Variants in USP36 observed in about 807,000 individuals in gnomAD.
USP36 encodes the protein ubiquitin carboxyl-terminal hydrolase 36.
Under a neutral mutation model 111.5 loss-of-function variants are expected in USP36, and 59 were observed. The observed-to-expected ratio is 0.53, with a 90% confidence interval of 0.43 to 0.66. The LOEUF (loss-of-function observed/expected upper bound fraction) is 0.66. Among genes scored for constraint, USP36 ranks in the 30% least tolerant of loss-of-function variants. The pLI, the probability that USP36 is intolerant of heterozygous loss-of-function variation, is 0.00. For synonymous variants in USP36, 628 were observed against 581.0 expected, an observed-to-expected ratio of 1.08 and a Z score of -1.16; for missense variants, 1,488 against 1,468.0, an observed-to-expected ratio of 1.01 and a Z score of -0.22.
In USP36 at chr17:78,797,564, G is replaced by A. The variant is rs1284576304; in HGVS notation, c.*336C>T. ...CCACTCTCCTGATAGCCCCAACCAG[G>A]GGCAGCAGCCTCTGCCAGCACAGAC... On this transcript the variant is annotated 3_prime_UTR_variant, in exon 21 of 21. Transcript: ENST00000449938. 6.6e-6 allele frequency: 1 copy of A among 152,306 alleles called. No individual in the cohort carries two copies. Among genetic ancestry groups the A allele is most frequent in the Non-Finnish European group, 1.5e-5 (1 of 68,172 alleles). 9.4% of individuals were successfully genotyped at this position (152,306 alleles called of 1,614,324 possible).
downstream of USP36, among the ~76,000 whole-genome samples, chr17:78,791,254 C>T (rs2093581864): frequency 1.3e-5 from 2 of 151,980 alleles, no homozygotes; most frequent in Admixed American, 1.3e-4. Flanking sequence ...CCTGCCTCAC[C>T]CTCCCAAGTA....
rs577196991 is a variant in USP36, at chr17:78,803,465, C to T, written c.2730G>A (p.Ala910=). The stretch of plus-strand genomic sequence containing the variant: ...CTTTCCTCCTCCGCTTCCTGCTGCT[C>T]GCGTGGTGGCCGTCCGTAACACATC... ...QVGCVTDGHH[A]SSRKRRRKGA... is the part of the protein sequence containing the mutation. The change falls in exon 16 of 21, where the codon GCG becomes GCA. Residue 910 remains alanine, a synonymous_variant. Coordinates refer to ENST00000449938, the MANE Select transcript of USP36 (RefSeq NM_001385174.1). This position sits in a 1 kb window ranked among gnomAD's most constrained non-coding sequence, Gnocchi z 4.6. 18 of 1,614,150 alleles carry T rather than the reference C, an allele frequency of 1.1e-5. No individual in the cohort carries two copies. Among genetic ancestry groups the T allele is most frequent in the African/African-American group, 2.7e-5 (2 of 75,042 alleles).
At position 78,823,894 on chromosome 17, in the gene USP36, C is replaced by T. The variant is rs139150225; in HGVS notation, c.690-1890G>A. Among the ~76,000 whole-genome samples, 437 of 152,312 alleles carry T rather than the reference C, an allele frequency of 2.9e-3. 1 individual carries two copies. Among genetic ancestry groups the T allele is most frequent in the African/African-American group, 9.9e-3 (413 of 41,568 alleles). ...CTGGATACGAATCTTGAAAACCAGC[C>T]GACCCACAAGATAAATGAAAGCAGG... On this transcript the variant is annotated intron_variant, in intron 6 of 20. Transcript: ENST00000449938.
chr17:78,799,994 G>A (rs893725211), intron 17 of USP36, among the ~76,000 whole-genome samples: 2 of 148,750 alleles, frequency 1.3e-5, no homozygotes, highest in Admixed American at 1.4e-4. Context: ...TTACAGGCAT[G>A]AGCCATGGCG....
chr17:78,807,332 G>A lies in USP36; in HGVS notation c.1712C>T (p.Ser571Phe), dbSNP rs779770423. 7 of 1,614,228 alleles carry A rather than the reference G, an allele frequency of 4.3e-6. No homozygotes were observed. The East Asian group carries it at 1.6e-4, about 36-fold the overall frequency. Residue 571 changes from serine (S) to phenylalanine (F), a missense_variant, in exon 14 of 21, where the codon TCC (serine) becomes TTC (phenylalanine). Coordinates refer to ENST00000449938, the MANE Select transcript of USP36 (RefSeq NM_001385174.1). Reference protein sequence around the residue: ...SSRSGSQRQGSWDSRDVVLST... With the variant: ...SSRSGSQRQGFWDSRDVVLST... ...GAGGACAACATCCCTGCTGTCCCAGGAGCCCTGCCTTTGGCTCCCAGATCT... is the reference window on the plus strand; with the variant it reads ...GAGGACAACATCCCTGCTGTCCCAGAAGCCCTGCCTTTGGCTCCCAGATCT...
At chr17:78,802,618 G>C (rs57490171) in intron 16 of USP36, 83 bp from the exon 17 acceptor site, 1 of 1,368,412 alleles carries the variant, frequency 7.3e-7, no homozygotes, top group East Asian at 2.5e-5. Context: ...CTGCAACATG[G>C]AGAAGGTGCC....
chr17:78,804,595 T>C (rs1237437534), intron 15 of USP36, among the ~76,000 whole-genome samples: 2 of 118,404 alleles, frequency 1.7e-5, no homozygotes, highest in Non-Finnish European at 3.2e-5. Flanking sequence ...ACATGTACCC[T>C]GGAACTTAAA....
At chr17:78,804,806 T>A (rs1009356260) in intron 15 of USP36, among the ~76,000 whole-genome samples, 1 of 151,684 alleles carries the variant, frequency 6.6e-6, no homozygotes, top group Non-Finnish European at 1.5e-5. Context: ...TTAATACAAA[T>A]GTGTTAAGGG....
rs2093801568 is a variant in USP36 at position 78,803,251 on chromosome 17, A to T, written c.2810+134T>A. The T allele has an allele frequency of 5.1e-6, 5 of 986,702 alleles. No individual in the cohort carries two copies. In the Admixed American group the frequency reaches 1.0e-4, roughly 21 times the overall value. 61.1% of individuals were successfully genotyped at this position (986,702 alleles called of 1,614,324 possible). ...CACACCCAGCCAGAGGAGACATCTGATCACAAATCCACATTTTAGAAAACC... is the reference window on the plus strand; with the variant it reads ...CACACCCAGCCAGAGGAGACATCTGTTCACAAATCCACATTTTAGAAAACC... On this transcript the variant is annotated intron_variant, in intron 16 of 20. Coordinates refer to ENST00000449938, the MANE Select transcript of USP36 (RefSeq NM_001385174.1). The surrounding 1 kb of genome is among the most constrained non-coding windows in gnomAD (Gnocchi z 4.6).
At chr17:78,805,633 A>G (rs2093877806) in intron 15 of USP36, among the ~76,000 whole-genome samples, 2 of 152,160 alleles carry the variant, frequency 1.3e-5, no homozygotes. Flanking sequence ...GCCCCTGCGG[A>G]CCAGGGCCCA....
At chr17:78,821,093 G>C (rs1198599105) in intron 7 of USP36, 32 bp from the exon 8 acceptor site, 1 of 1,572,626 alleles carries the variant, frequency 6.4e-7, no homozygotes, top group East Asian at 2.3e-5. Context: ...GGAGCAGGTG[G>C]GGCCTGGCAG....
intron 12 of USP36, 151 bp from the exon 13 acceptor site, chr17:78,813,152 T>A: frequency 9.8e-7 from 1 of 1,025,606 alleles, no homozygotes; most frequent in Admixed American, 2.7e-5. Context: ...TCCCTTTGCC[T>A]TTCAACCACA....
chr17:78,834,453 G>A (rs2068456438), intron 4 of USP36, among the ~76,000 whole-genome samples: 1 of 151,904 alleles, frequency 6.6e-6, no homozygotes, highest in Admixed American at 6.6e-5. Context: ...TTTGTTTTTT[G>A]TGTGTGTGAG....
At chr17:78,814,638 A>T in intron 10 of USP36, 86 bp from the exon 11 acceptor site, 1 of 1,477,666 alleles carries the variant, frequency 6.8e-7, no homozygotes, top group South Asian at 1.3e-5. Flanking sequence ...ACCACACAAA[A>T]TGCCCAGCTT....
chr17:78,823,608 ACC>A (rs1195668565), intron 6 of USP36, among the ~76,000 whole-genome samples: 3 of 152,148 alleles, frequency 2.0e-5, no homozygotes, highest in African/African-American at 7.2e-5. Flanking sequence ...TGCAAAGGGC[ACC>A]CTGAAGTGAA....
At chr17:78,790,083 GAAT>G (rs1199665094) in intron 3 of USP36, among the ~76,000 whole-genome samples, 4 of 151,926 alleles carry the variant, frequency 2.6e-5, no homozygotes, top group African/African-American at 9.7e-5. Context: ...AAAAATGGCA[GAAT>G]AATACCTTTT....
chr17:78,831,495 C>A (rs981445197), intron 4 of USP36, among the ~76,000 whole-genome samples: 4 of 151,756 alleles, frequency 2.6e-5, no homozygotes, highest in African/African-American at 9.7e-5. Flanking sequence ...CACCTGTAAT[C>A]CCAGCTACTT....
At chr17:78,831,984 T>C (rs1599098689) in intron 4 of USP36, among the ~76,000 whole-genome samples, 1 of 131,406 alleles carries the variant, frequency 7.6e-6, no homozygotes, top group Non-Finnish European at 1.6e-5. Flanking sequence ...CCTAATAAAA[T>C]ATCACTCTTA....
intron 4 of USP36, among the ~76,000 whole-genome samples, chr17:78,829,675 G>C (rs757799708): frequency 6.6e-6 from 1 of 152,198 alleles, no homozygotes; most frequent in East Asian, 1.9e-4. Context: ...TACACACACA[G>C]AGAGCAGGCC....
Sources: gnomAD v4.1 joint callset for allele counts (sites outside exome capture counted in the v4.1 genomes callset) on GRCh38, gnomAD v4.1.1 for gene constraint, Gnocchi (gnomAD v3.1) non-coding constraint, MANE v1.5 for transcripts, NCBI Gene and HGNC (gene_info 2026-07-23, HGNC 2026-07-21) for gene names.